Variants in CPD observed in about 807,000 individuals in gnomAD.
CPD encodes metallocarboxypeptidase D.
CPD carries 69 observed loss-of-function variants against 138.3 expected under a neutral mutation model. The observed-to-expected ratio is 0.50, with a 90% CI of 0.41 to 0.61. CPD has a LOEUF of 0.61. Ranked by LOEUF, CPD falls within the 20% of genes least tolerant of loss-of-function variation. The pLI is 0.00. For missense variants in CPD, 1,432 were observed against 1,733.3 expected (o/e 0.83, Z 3.09); for synonymous variants, 651 against 642.1 (o/e 1.01, Z -0.21).
intron 1 of CPD, among the ~76,000 whole-genome samples, chr17:30,381,557 C>T (rs1320718378): frequency 6.6e-6 from 1 of 152,186 alleles, no homozygotes; most frequent in African/African-American, 2.4e-5. Flanking sequence ...GTAAAGAGTA[C>T]ATCCATCCTA....
At chr17:30,433,595 C>G (rs1912621746) in intron 8 of CPD, among the ~76,000 whole-genome samples, 1 of 152,176 alleles carries the variant, frequency 6.6e-6, no homozygotes, top group Non-Finnish European at 1.5e-5. Flanking sequence ...AGAGTGGTCA[C>G]ACTGTCACGG....
chr17:30,412,327 G>A (rs1384401118), intron 2 of CPD, among the ~76,000 whole-genome samples: 1 of 152,204 alleles, frequency 6.6e-6, no homozygotes, highest in Non-Finnish European at 1.5e-5. Context: ...CAGTCTACAT[G>A]GGATCAGGGA....
At chr17:30,463,026 T>G (rs899941719) in intron 20 of CPD, among the ~76,000 whole-genome samples, 1 of 152,246 alleles carries the variant, frequency 6.6e-6, no homozygotes, top group Non-Finnish European at 1.5e-5. Context: ...GTTCCTTGCC[T>G]TCATTCCGGT....
chr17:30,445,567 G>T, intron 11 of CPD, 124 bp from the exon 12 acceptor site: 2 of 577,428 alleles, frequency 3.5e-6, no homozygotes, highest in South Asian at 3.3e-5. Flanking sequence ...TTAAAATTTT[G>T]TCTCTTTAGG....
chr17:30,386,198 T>G (rs544134112), intron 2 of CPD, among the ~76,000 whole-genome samples: 1 of 152,196 alleles, frequency 6.6e-6, no homozygotes, highest in African/African-American at 2.4e-5. Flanking sequence ...CTAGCTAATT[T>G]TTAAATTTTT....
In CPD at chr17:30,382,839, G is replaced by T. The variant is rs367807942; in HGVS notation, c.747-2150G>T. 1.9e-3 allele frequency among the ~76,000 whole-genome samples: 293 copies of T among 152,244 alleles called. 2 individuals are homozygous for T. Among genetic ancestry groups the T allele is most frequent in the African/African-American group, 6.8e-3 (282 of 41,534 alleles). ...TTACTAGAATATGAATGCCCAGAGG[G>T]TATTTGTTTGTTTGTTTCGCTCACA... On this transcript the variant is annotated intron_variant, in intron 1 of 20. Coordinates refer to ENST00000225719, the MANE Select transcript of CPD (RefSeq NM_001304.5).
In CPD at chr17:30,379,247, G is replaced by A. The variant is rs1219454509; in HGVS notation, c.267G>A (p.Val89=). The A allele has an allele frequency of 3.3e-6, 5 of 1,518,226 alleles. No individual in the cohort carries two copies. Among genetic ancestry groups the A allele is most frequent in the Non-Finnish European group, 4.4e-6 (5 of 1,139,106 alleles). The allele number at this position is 1,518,226 out of a possible 1,614,324, so 94.0% of individuals were successfully genotyped here. The change falls in exon 1 of 21, where the codon GTG becomes GTA. Residue 89 remains valine, a synonymous_variant. Transcript: ENST00000225719. This position sits in a 1 kb window ranked among gnomAD's most constrained non-coding sequence, Gnocchi z 7.0. ...GCCTCTTTAGCATCGGCCGCTCGGT[G>A]GAAGGCCGGCCGCTGTGGGTGCTTC... ...LARLFSIGRS[V]EGRPLWVLRL...
chr17:30,390,866 G>C (rs1162062990), intron 2 of CPD, among the ~76,000 whole-genome samples: 1 of 149,438 alleles, frequency 6.7e-6, no homozygotes, highest in Non-Finnish European at 1.5e-5. Flanking sequence ...TTTCGCTCTT[G>C]TTGCCCAGGG....
intron 9 of CPD, among the ~76,000 whole-genome samples, chr17:30,439,311 G>A (rs966438409): frequency 6.7e-6 from 1 of 150,058 alleles, no homozygotes; most frequent in African/African-American, 2.5e-5. Context: ...TTTTACTTCT[G>A]GCTATTAGAA....
At chr17:30,413,969 G>A (rs528337677) in intron 2 of CPD, among the ~76,000 whole-genome samples, 9 of 152,186 alleles carry the variant, frequency 5.9e-5, no homozygotes, top group Non-Finnish European at 1.2e-4. Context: ...AAGGGAACAA[G>A]TAGAGCAAAG....
At chr17:30,387,371 A>C (rs922034807) in intron 2 of CPD, among the ~76,000 whole-genome samples, 1 of 152,210 alleles carries the variant, frequency 6.6e-6, no homozygotes, top group Non-Finnish European at 1.5e-5. Context: ...TACCTGTCTC[A>C]GCCTCCCAAA....
At position 30,427,264 on chromosome 17, in the gene CPD, GTGAT is replaced by G. The variant is rs908835441; in HGVS notation, c.1850-122_1850-119del. On this transcript the variant is annotated intron_variant, in intron 6 of 20. Transcript: ENST00000225719. ...TGCAAAGACAGTTTCATAATCATAG[GTGAT>G]TGATAATAGCGAAGCCTGATGTGTT... The G allele has an allele frequency of 1.8e-5, 13 of 710,932 alleles. No homozygotes were observed. The African/African-American group carries it at 2.2e-4, about 12-fold the overall frequency. The allele number at this position is 710,932 out of a possible 1,614,324, so 44.0% of individuals were successfully genotyped here.
chr17:30,429,669 A>C (rs190583811), intron 7 of CPD, among the ~76,000 whole-genome samples: 2 of 152,316 alleles, frequency 1.3e-5, no homozygotes, highest in Non-Finnish European at 1.5e-5. Flanking sequence ...AAGACGTGAA[A>C]CCCTCAAAAA....
chr17:30,461,246 A>G lies in CPD; in HGVS notation c.3565A>G (p.Ser1189Gly). The G allele has an allele frequency of 6.2e-7, 1 of 1,612,410 alleles. No individual in the cohort carries two copies. The highest frequency in any genetic ancestry group is 1.1e-5 in the South Asian group (1 of 90,840). Residue 1189 changes from serine to glycine, a missense_variant, in exon 18 of 21, where the codon AGT (serine) becomes GGT (glycine). Physicochemically the swap from Ser to Gly is moderately conservative, Grantham distance 56. This residue lies in a region of CPD where 366 missense variants were observed against 518.8 expected (regional missense o/e 0.71). Coordinates refer to ENST00000225719, the MANE Select transcript of CPD (RefSeq NM_001304.5). ...TVYTSCCYFPSAARLPSLWAD... is the reference protein window; with the variant it reads ...TVYTSCCYFPGAARLPSLWAD... ...ATACACAAGCTGCTGTTACTTTCCTAGTGCTGCACGACTCCCTTCCTTGTG... is the reference window on the plus strand; with the variant it reads ...ATACACAAGCTGCTGTTACTTTCCTGGTGCTGCACGACTCCCTTCCTTGTG...
chr17:30,429,181 A>T (rs1312268213), intron 7 of CPD, among the ~76,000 whole-genome samples: 2 of 152,230 alleles, frequency 1.3e-5, no homozygotes, highest in East Asian at 3.8e-4. Context: ...TGGTTGGCAA[A>T]ATAAATTTTT....
Position 30,385,079 on chromosome 17 carries a change from T to C in CPD, c.837T>C (p.Tyr279=), listed in dbSNP as rs745942542. ...DSPEHKATGI[Y]SKTSDDEVFK... ...CAGAACATAAGGCCACTGGAATCTATAGCAAAACCTCAGATGATGAAGTAT... is the reference window on the plus strand; with the variant it reads ...CAGAACATAAGGCCACTGGAATCTACAGCAAAACCTCAGATGATGAAGTAT... The change falls in exon 2 of 21, where the codon TAT becomes TAC. Residue 279 remains tyrosine, a synonymous_variant. Coordinates refer to ENST00000225719, the MANE Select transcript of CPD (RefSeq NM_001304.5). 3 of 1,613,996 alleles carry C rather than the reference T, an allele frequency of 1.9e-6. No individual in the cohort carries two copies. The highest frequency in any genetic ancestry group is 2.2e-5 in the East Asian group (1 of 44,882).
rs762249323 is a variant in CPD, at chr17:30,405,103, G to A, written c.995-15738G>A. ...TTTTGCCAAGGTTAAGGACATGCCC[G>A]GAAGACATAAATACAGTCACAGAAA... On this transcript the variant is annotated intron_variant, in intron 2 of 20. Transcript: ENST00000225719. 6.6e-5 allele frequency among the ~76,000 whole-genome samples: 10 copies of A among 152,014 alleles called. No individual in the cohort carries two copies. The South Asian group carries it at 1.2e-3, about 19-fold the overall frequency.
intron 11 of CPD, among the ~76,000 whole-genome samples, chr17:30,444,516 CTTTTTTTTTTTT>C (rs34419729): frequency 8.3e-6 from 1 of 120,852 alleles, no homozygotes. Context: ...ATGCTAGTAA[CTTTTTTTTTTTT>C]TTTTTTTTTT....
At chr17:30,419,720 A>C (rs990972324) in intron 2 of CPD, among the ~76,000 whole-genome samples, 1 of 152,240 alleles carries the variant, frequency 6.6e-6, no homozygotes, top group African/African-American at 2.4e-5. Flanking sequence ...TTCACTTTGC[A>C]TATAAATAAA....
Sources: allele counts gnomAD v4.1 joint callset (sites outside exome capture counted in the v4.1 genomes callset), GRCh38; gene constraint gnomAD v4.1.1; regional missense constraint gnomAD v4.1.1; non-coding constraint Gnocchi (gnomAD v3.1); transcripts MANE v1.5; gene names NCBI Gene and HGNC (gene_info 2026-07-23, HGNC 2026-07-21).